Variants in AKT1 observed in about 807,000 individuals in gnomAD.
AKT1 encodes the protein RAC-alpha serine/threonine-protein kinase.
A neutral mutation model predicts 63.1 loss-of-function variants in AKT1; 21 were observed. That is an observed-to-expected ratio of 0.33 (90% CI 0.24 to 0.48). The LOEUF is 0.48. Among genes scored for constraint, AKT1 ranks in the 20% least tolerant of loss-of-function variants. The pLI is 0.99. For missense variants in AKT1, 382 were observed against 666.0 expected, an observed-to-expected ratio of 0.57 and a Z score of 4.69; for synonymous variants, 257 against 253.1, an observed-to-expected ratio of 1.02 and a Z score of -0.15.
intron 3 of AKT1, among the ~76,000 whole-genome samples, chr14:104,781,650 G>A (rs562939941): frequency 7.2e-5 from 11 of 152,280 alleles, no homozygotes; most frequent in African/African-American, 2.4e-4. Context: ...CAGCACCACG[G>A]GGCGTGGTCT....
intron 8 of AKT1, chr14:104,774,462 A>T (rs1892595841): frequency 4.5e-6 from 1 of 224,218 alleles, no homozygotes; most frequent in South Asian, 8.3e-5. Context: ...CTTCCACCAC[A>T]GGCGACTGTG....
chr14:104,793,948 C>T (rs1218966544), intron 1 of AKT1: 1 of 152,282 alleles, frequency 6.6e-6, no homozygotes, highest in Non-Finnish European at 1.5e-5. Context: ...ATGGGTCTTT[C>T]CACAGCCAGC....
rs2140917789 is a variant in AKT1 at position 104,775,166 on chromosome 14, G to A, written c.477C>T (p.Gly159=). 1 of 1,614,100 alleles carries A rather than the reference G, an allele frequency of 6.2e-7. No individual in the cohort carries two copies. Among genetic ancestry groups the A allele is most frequent in the Non-Finnish European group, 8.5e-7 (1 of 1,180,034 alleles). Residue 159 remains glycine, a synonymous_variant, in exon 7 of 15, where the codon GGC becomes GGT. Transcript: ENST00000649815. ...EFEYLKLLGK[G]TFGKVILVKE... ...TCACCAGGATCACCTTGCCGAAAGTGCCCTTGCCCAGCAGCTTCAGGTACT... is the reference window on the plus strand; with the variant it reads ...TCACCAGGATCACCTTGCCGAAAGTACCCTTGCCCAGCAGCTTCAGGTACT...
intron 3 of AKT1, among the ~76,000 whole-genome samples, chr14:104,783,442 CA>C (rs1304486520): frequency 6.6e-6 from 1 of 152,030 alleles, no homozygotes; most frequent in Non-Finnish European, 1.5e-5. Context: ...CCATGGGAAG[CA>C]CCCGCCACAG....
chr14:104,786,172 T>G (rs939990286), intron 3 of AKT1: 1 of 151,912 alleles, frequency 6.6e-6, no homozygotes, highest in African/African-American at 2.4e-5. Context: ...TCAGGACCCC[T>G]GCAGATGAGG....
rs1437372830 is a variant in AKT1 at position 104,795,513 on chromosome 14, G to T, written c.-287C>A. ...CCGCCGCGTCCGGGCGCGAGCGCGG[G>T]CCTAGCCGGGCCGCGGCCTCCGGCG... On this transcript the variant is annotated 5_prime_UTR_variant, in exon 1 of 15. Transcript: ENST00000649815. The surrounding 1 kb of genome is among the most constrained non-coding windows in gnomAD (Gnocchi z 5.1). The T allele has an allele frequency of 6.9e-6, 1 of 145,852 alleles. No homozygotes were observed. The allele number at this position is 145,852 out of a possible 1,614,324, so 9.0% of individuals were successfully genotyped here.
chr14:104,784,360 C>T (rs1256361956), intron 3 of AKT1, among the ~76,000 whole-genome samples: 1 of 152,200 alleles, frequency 6.6e-6, no homozygotes, highest in Non-Finnish European at 1.5e-5. Flanking sequence ...GGTGGCTGCC[C>T]TCGGTGGGGG....
intron 3 of AKT1, among the ~76,000 whole-genome samples, chr14:104,788,145 G>A (rs1328835788): frequency 2.0e-5 from 3 of 152,196 alleles, no homozygotes; most frequent in Non-Finnish European, 4.4e-5. Context: ...GCTCCCCCAG[G>A]GGAGGCAGAG....
intron 5 of AKT1, 180 bp downstream of exon 5, chr14:104,776,479 C>G: frequency 1.8e-6 from 1 of 547,904 alleles, no homozygotes. Context: ...CCTCAGTTTC[C>G]CCACCCAAAC....
chr14:104,781,423 C>T (rs1373443112), intron 3 of AKT1, among the ~76,000 whole-genome samples: 2 of 152,166 alleles, frequency 1.3e-5, no homozygotes, highest in Non-Finnish European at 1.5e-5. Flanking sequence ...ACGCGTCCAG[C>T]CCTCCCTGGT....
In AKT1 at chr14:104,788,413, C is replaced by T. The variant is rs61759775; in HGVS notation, c.46+4185G>A. ...ACACAAACAATTAGCCCTGCGGGGCCCTCCGCAGCAGCTGCTCTCTGGAGT... is the reference window on the plus strand; with the variant it reads ...ACACAAACAATTAGCCCTGCGGGGCTCTCCGCAGCAGCTGCTCTCTGGAGT... On this transcript the variant is annotated intron_variant, in intron 3 of 14. Coordinates refer to ENST00000649815, the MANE Select transcript of AKT1 (RefSeq NM_001382430.1). Among the ~76,000 whole-genome samples the T allele has an allele frequency of 6.2e-4, 94 of 152,332 alleles. 1 individual carries two copies. Among genetic ancestry groups the T allele is most frequent in the African/African-American group, 2.0e-3 (84 of 41,574 alleles).
chr14:104,775,262 C>A, intron 6 of AKT1, 55 bp from the exon 7 acceptor site: 1 of 1,605,628 alleles, frequency 6.2e-7, no homozygotes, highest in South Asian at 1.1e-5. Flanking sequence ...CCCAGCTGGT[C>A]GGCATGCGTG....
intron 1 of AKT1, chr14:104,794,173 A>C (rs1230331739): frequency 2.0e-5 from 3 of 152,458 alleles, no homozygotes; most frequent in African/African-American, 7.2e-5. Context: ...GCCAGACTCG[A>C]GGAAGGCACC....
chr14:104,772,576 CGGTG>C, intron 12 of AKT1, 124 bp from the exon 13 acceptor site: 1 of 972,050 alleles, frequency 1.0e-6, no homozygotes, highest in South Asian at 1.5e-5. Context: ...GGAGGGGAGC[CGGTG>C]GTGCAGCGTC....
intron 11 of AKT1, 57 bp downstream of exon 11, chr14:104,773,194 C>A (rs200669248): frequency 1.9e-6 from 3 of 1,612,138 alleles, no homozygotes; most frequent in Non-Finnish European, 2.5e-6. Flanking sequence ...CACAGCATTG[C>A]GTGTGCTCAG....
chr14:104,772,236 C>T (rs1595240727), intron 13 of AKT1, 129 bp downstream of exon 13: 2 of 1,019,104 alleles, frequency 2.0e-6, no homozygotes, highest in South Asian at 2.8e-5. Context: ...CCTCCTTGTA[C>T]CAGGACTGCA....
intron 8 of AKT1, chr14:104,774,706 G>A (rs1566817426): frequency 1.7e-6 from 1 of 577,272 alleles, no homozygotes; most frequent in East Asian, 2.9e-5. Flanking sequence ...GAAGACCAGG[G>A]CCACCTGCCC....
chr14:104,776,948 C>G (rs1450173708), intron 4 of AKT1, 178 bp from the exon 5 acceptor site: 1 of 577,550 alleles, frequency 1.7e-6, no homozygotes. Flanking sequence ...GGCTAGGACC[C>G]CTGTTCCAGC....
rs3730328 is a variant in AKT1 at position 104,773,705 on chromosome 14, C to T, written c.703-125G>A. ...GGAAGGGACCAGCCACCAGAGGGCA[C>T]GGGGGCCTGGAAAGTCTCAGAAGCC... On this transcript the variant is annotated intron_variant, in intron 9 of 14. Coordinates refer to ENST00000649815, the MANE Select transcript of AKT1 (RefSeq NM_001382430.1). 5,025 of 1,409,718 alleles carry T rather than the reference C, an allele frequency of 3.6e-3. 93 individuals are homozygous for T. The African/African-American group carries it at 0.053, about 15-fold the overall frequency. The allele number at this position is 1,409,718 out of a possible 1,614,324, so 87.3% of individuals were successfully genotyped here.
Sources: allele counts gnomAD v4.1 joint callset (sites outside exome capture counted in the v4.1 genomes callset), GRCh38; gene constraint gnomAD v4.1.1; non-coding constraint Gnocchi (gnomAD v3.1); transcripts MANE v1.5; gene names NCBI Gene and HGNC (gene_info 2026-07-23, HGNC 2026-07-21).